The following CD2AP variants were observed in gnomAD, a reference collection of about 807,000 sequenced individuals.
CD2AP encodes the protein CD2-associated protein.
A neutral mutation model predicts 85.1 loss-of-function variants in CD2AP; 46 were observed. The ratio of observed to expected loss-of-function variants is 0.54; its 90% confidence interval spans 0.43 to 0.69. The LOEUF (loss-of-function observed/expected upper bound fraction) is 0.69. Among genes scored for constraint, CD2AP ranks in the 30% least tolerant of loss-of-function variants. The pLI is 0.00. For missense variants in CD2AP, 769 were observed against 729.5 expected, an observed-to-expected ratio of 1.05 and a Z score of -0.62; for synonymous variants, 255 against 252.9, an observed-to-expected ratio of 1.01 and a Z score of -0.08.
chr6:47,485,863 GTAGCC>G (rs1169924381), intron 1 of CD2AP, among the ~76,000 whole-genome samples: 1 of 152,074 alleles, frequency 6.6e-6, no homozygotes, highest in Non-Finnish European at 1.5e-5. Context: ...GTACAGTTTT[GTAGCC>G]TAGGAGCAAT....
intron 11 of CD2AP, among the ~76,000 whole-genome samples, chr6:47,587,117 G>A (rs1003083079): frequency 9.2e-5 from 14 of 152,144 alleles, no homozygotes; most frequent in Non-Finnish European, 2.1e-4. Context: ...ATAAATCAAA[G>A]TTCTACCCTT....
chr6:47,576,685 T>C, intron 7 of CD2AP, 83 bp downstream of exon 7: 1 of 1,014,678 alleles, frequency 9.9e-7, no homozygotes, highest in Non-Finnish European at 1.6e-6. Flanking sequence ...AAGCATTTGT[T>C]ACACTGTCTT....
rs372358979 is a variant in CD2AP at position 47,609,253 on chromosome 6, C to T, written c.1763C>T (p.Ala588Val). The T allele has an allele frequency of 1.3e-5, 21 of 1,613,290 alleles. No homozygotes were observed. Among genetic ancestry groups the T allele is most frequent in the Non-Finnish European group, 1.7e-5 (20 of 1,179,662 alleles). ...AAAAATTCCCTGGATGAACTTAGAG[C>T]CCAGATTATTGAATTGTTGTGCATT... is the stretch of plus-strand genomic sequence containing the variant. ...VKKNSLDELR[A>V]QIIELLCIVE... The change falls in exon 16 of 18, where the codon GCC becomes GTC. Residue 588 changes from alanine (A) to valine (V), a missense_variant. Ala to Val is a moderately conservative substitution (Grantham distance 64). Transcript: ENST00000359314.
intron 1 of CD2AP, among the ~76,000 whole-genome samples, chr6:47,481,338 GT>G: frequency 6.6e-6 from 1 of 152,072 alleles, no homozygotes; most frequent in East Asian, 1.9e-4. Flanking sequence ...ATGTGGTGGT[GT>G]TTTTTTGTTT....
At chr6:47,575,111 A>C (rs776507914) in intron 6 of CD2AP, among the ~76,000 whole-genome samples, 1 of 152,200 alleles carries the variant, frequency 6.6e-6, no homozygotes, top group Non-Finnish European at 1.5e-5. Context: ...AGTTGGGTTC[A>C]GGAAAGAGAA....
At chr6:47,511,609 T>G (rs1053418484) in intron 2 of CD2AP, among the ~76,000 whole-genome samples, 3 of 152,212 alleles carry the variant, frequency 2.0e-5, no homozygotes, top group Non-Finnish European at 2.9e-5. Flanking sequence ...AACTTTCTAC[T>G]TCCTTTGTAA....
Position 47,478,326 on chromosome 6 carries a change from G to C in CD2AP, c.4+78G>C, listed in dbSNP as rs979361943. 15 of 1,524,268 alleles carry C rather than the reference G, an allele frequency of 9.8e-6. No individual in the cohort carries two copies. The African/African-American group carries it at 2.1e-4, about 21-fold the overall frequency. 94.4% of individuals were successfully genotyped at this position (1,524,268 alleles called of 1,614,324 possible). A position where few individuals can be genotyped will look rare whatever the true frequency, so the allele number is the denominator to read the frequency against. On this transcript the variant is annotated intron_variant, in intron 1 of 17. Coordinates refer to ENST00000359314, the MANE Select transcript of CD2AP (RefSeq NM_012120.3). ...AGGCTGTGCCCTTTCTCGGCCTTCT[G>C]GGGAGGCGACTGCGGTCAGCCCCTG...
At chr6:47,489,873 C>G (rs1219663681) in intron 1 of CD2AP, among the ~76,000 whole-genome samples, 1 of 151,870 alleles carries the variant, frequency 6.6e-6, no homozygotes, top group Non-Finnish European at 1.5e-5. Flanking sequence ...TTCAGACTCT[C>G]CTAGTGTGGT....
At chr6:47,618,636 ATTT>A (rs1769663072) in intron 17 of CD2AP, among the ~76,000 whole-genome samples, 1 of 152,186 alleles carries the variant, frequency 6.6e-6, no homozygotes, top group Admixed American at 6.5e-5. Context: ...TTTTTCTTAC[ATTT>A]TATACATACA....
chr6:47,586,811 C>A (rs1011951770), intron 11 of CD2AP, among the ~76,000 whole-genome samples: 1 of 152,094 alleles, frequency 6.6e-6, no homozygotes, highest in Non-Finnish European at 1.5e-5. Flanking sequence ...AAAAATCTCA[C>A]AAGAACTGTT....
At chr6:47,512,031 G>A (rs868189486) in intron 2 of CD2AP, among the ~76,000 whole-genome samples, 10 of 152,038 alleles carry the variant, frequency 6.6e-5, no homozygotes, top group East Asian at 1.9e-4. Context: ...AGTGGCGGGC[G>A]GCTGTAGTCC....
intron 11 of CD2AP, among the ~76,000 whole-genome samples, chr6:47,590,884 T>G (rs962064278): frequency 6.6e-6 from 1 of 152,014 alleles, no homozygotes; most frequent in Non-Finnish European, 1.5e-5. Context: ...AAAGAAAACA[T>G]TGAGGCAAGG....
intron 2 of CD2AP, among the ~76,000 whole-genome samples, chr6:47,514,722 G>A (rs528544365): frequency 6.6e-6 from 1 of 152,244 alleles, no homozygotes; most frequent in East Asian, 1.9e-4. Flanking sequence ...AGGTGTTACA[G>A]AATCTTTGAA....
chr6:47,478,635 G>C (rs1390037800), intron 1 of CD2AP, among the ~76,000 whole-genome samples: 1 of 152,108 alleles, frequency 6.6e-6, no homozygotes, highest in Non-Finnish European at 1.5e-5. Flanking sequence ...GAGGGCGATC[G>C]AAAAACTTGA....
intron 2 of CD2AP, among the ~76,000 whole-genome samples, chr6:47,529,287 A>G (rs917619029): frequency 1.4e-5 from 2 of 143,570 alleles, no homozygotes; most frequent in Non-Finnish European, 3.0e-5. Context: ...TGTAATGTTG[A>G]TGAAAAAAAA....
chr6:47,527,754 G>C (rs1324825556), intron 2 of CD2AP, among the ~76,000 whole-genome samples: 2 of 152,080 alleles, frequency 1.3e-5, no homozygotes, highest in Non-Finnish European at 2.9e-5. Context: ...TCCCCAACCA[G>C]AGAAAGTACT....
At position 47,624,715 on chromosome 6, in the gene CD2AP, G is replaced by GTGTGTGTT. The variant is rs1769861836; in HGVS notation, c.*495_*496insTTGTGTGT. The GTGTGTGTT allele has an allele frequency of 7.5e-6, 1 of 133,204 alleles. No homozygotes were observed. Among genetic ancestry groups the GTGTGTGTT allele is most frequent in the African/African-American group, 2.7e-5 (1 of 37,238 alleles). 8.3% of individuals were successfully genotyped at this position (133,204 alleles called of 1,614,324 possible). A position where few individuals can be genotyped will look rare whatever the true frequency, so the allele number is the denominator to read the frequency against. On this transcript the variant is annotated 3_prime_UTR_variant, in exon 18 of 18. Coordinates refer to ENST00000359314, the MANE Select transcript of CD2AP (RefSeq NM_012120.3). Reference sequence around the variant, plus strand: ...TGTGTGTGTGTGTGTGTGTGTGTGTGTGTGTGTATATATATATATATATTT... The same window carrying GTGTGTGTT: ...TGTGTGTGTGTGTGTGTGTGTGTGTGTGTGTGTTTGTGTGTATATATATATATATATTT...
intron 1 of CD2AP, among the ~76,000 whole-genome samples, chr6:47,496,782 T>A (rs1304794916): frequency 3.9e-5 from 6 of 152,222 alleles, no homozygotes; most frequent in Non-Finnish European, 5.9e-5. Context: ...TTCTAAATAA[T>A]TAGTTTCTGT....
rs116791010 is a variant in CD2AP, at chr6:47,521,012, G to A, written c.166-12590G>A. Among the ~76,000 whole-genome samples, 1,196 of 152,072 alleles carry A rather than the reference G, an allele frequency of 7.9e-3. 14 individuals carry two copies. Among genetic ancestry groups the A allele is most frequent in the African/African-American group, 0.027 (1,116 of 41,492 alleles). On this transcript the variant is annotated intron_variant, in intron 2 of 17. Coordinates refer to ENST00000359314, the MANE Select transcript of CD2AP (RefSeq NM_012120.3). ...ATTCTGAGGAACTTGCTCAGTTCCTGTCCCTGGCTGGTCTGCCTTCTTTTC... is the reference window on the plus strand; with the variant it reads ...ATTCTGAGGAACTTGCTCAGTTCCTATCCCTGGCTGGTCTGCCTTCTTTTC...
Sources: allele counts gnomAD v4.1 joint callset (sites outside exome capture counted in the v4.1 genomes callset), GRCh38; gene constraint gnomAD v4.1.1; transcripts MANE v1.5; gene names NCBI Gene and HGNC (gene_info 2026-07-23, HGNC 2026-07-21).